The following ADCY4 variants were observed in gnomAD, a reference collection of about 807,000 sequenced individuals.
The protein encoded by ADCY4 is adenylate cyclase type 4.
In ADCY4, 111 loss-of-function variants were observed where a neutral mutation model predicts 125.5. The observed-to-expected ratio is 0.88, with a 90% confidence interval of 0.76 to 1.04. The LOEUF is 1.04. Ranked by LOEUF, ADCY4 falls within the 50% of genes least tolerant of loss-of-function variation. The pLI is 0.00. For missense variants in ADCY4, 1,256 were observed against 1,382.9 expected, an observed-to-expected ratio of 0.91 and a Z score of 1.46; for synonymous variants, 576 against 586.9, an observed-to-expected ratio of 0.98 and a Z score of 0.27.
At chr14:24,326,399 T>C in intron 10 of ADCY4, 57 bp from the exon 11 acceptor site, 1 of 1,595,512 alleles carries the variant, frequency 6.3e-7, no homozygotes. Flanking sequence ...TGCAGTGAGG[T>C]AGACCATGAG....
At chr14:24,324,642 G>A (rs1016759848) in intron 14 of ADCY4, among the ~76,000 whole-genome samples, 1 of 152,202 alleles carries the variant, frequency 6.6e-6, no homozygotes, top group African/African-American at 2.4e-5. Context: ...AAGAATGGCT[G>A]AGGCTACGGC....
At position 24,331,045 on chromosome 14, in the gene ADCY4, G is replaced by C. The variant is rs1160003755; in HGVS notation, c.903C>G (p.Leu301=). The C allele has an allele frequency of 6.2e-7, 1 of 1,611,506 alleles. No homozygotes were observed. The highest frequency in any genetic ancestry group is 1.3e-5 in the African/African-American group (1 of 74,868). The part of the protein sequence containing the change: ...PKELVLMLNE[L]FGKFDQIAKE... ...TGGCAATCTGGTCGAACTTGCCAAAGAGCTCATTGAGCATGAGCACCAGCT... is the reference window on the plus strand; with the variant it reads ...TGGCAATCTGGTCGAACTTGCCAAACAGCTCATTGAGCATGAGCACCAGCT... Residue 301 remains leucine, a synonymous_variant, in exon 6 of 25, where the codon CTC becomes CTG. Coordinates refer to ENST00000418030, the MANE Select transcript of ADCY4 (RefSeq NM_001198568.2).
At position 24,330,167 on chromosome 14, in the gene ADCY4, C is replaced by T. The variant is rs200664350; in HGVS notation, c.1058+1G>A. 3.9e-5 allele frequency: 63 copies of T among 1,613,600 alleles called. No individual in the cohort carries two copies. The highest frequency in any genetic ancestry group is 5.1e-5 in the Non-Finnish European group (60 of 1,179,638). On this transcript the variant is annotated splice_donor_variant, in intron 7 of 24. Transcript: ENST00000418030. LOFTEE classifies it high-confidence loss of function. ...TCCTCTTGACCACCGCCTGAGCTGA[C>T]CTGATGGCCCGGCACATGTCCAGGC...
chr14:24,321,257 A>ATAT (rs56133120), intron 20 of ADCY4, among the ~76,000 whole-genome samples: 1 of 150,730 alleles, frequency 6.6e-6, no homozygotes, highest in Non-Finnish European at 1.5e-5. Flanking sequence ...CTAAAAAAAA[A>ATAT]AAATATAAAA....
chr14:24,319,674 G>A lies in ADCY4; in HGVS notation c.2733+68C>T, dbSNP rs2041822899. 6.3e-7 allele frequency: 1 copy of A among 1,598,608 alleles called. No individual in the cohort carries two copies. Among genetic ancestry groups the A allele is most frequent in the Admixed American group, 1.7e-5 (1 of 59,586 alleles). On this transcript the variant is annotated intron_variant, in intron 21 of 24. Coordinates refer to ENST00000418030, the MANE Select transcript of ADCY4 (RefSeq NM_001198568.2). The surrounding 1 kb of genome is among the most constrained non-coding windows in gnomAD (Gnocchi z 4.5). The stretch of plus-strand genomic sequence containing the variant: ...ACTTCATGGCCAGAAAAGCAAAGTG[G>A]AAGGAGGTACTGGTGGAAAATTCTA...
rs768363042 is a variant in ADCY4, at chr14:24,329,459, T to A, written c.1292A>T (p.His431Leu). Reference protein sequence around the residue: ...AYAVEDAGMEHRDPYLRELGE... With the variant: ...AYAVEDAGMELRDPYLRELGE... ...TAGCTCCCGAAGGTAGGGGTCCCGA[T>A]GCTCCATGCCTGCGTCCTCCACAGC... is the stretch of plus-strand genomic sequence containing the variant. The change falls in exon 9 of 25, where the codon CAT becomes CTT. Residue 431 changes from histidine to leucine, a missense_variant. Coordinates refer to ENST00000418030, the MANE Select transcript of ADCY4 (RefSeq NM_001198568.2). 12 of 1,582,480 alleles carry A rather than the reference T, an allele frequency of 7.6e-6. No homozygotes were observed. In the South Asian group the frequency reaches 1.3e-4, roughly 17 times the overall value.
At chr14:24,330,458 A>G (rs2042024123) in intron 6 of ADCY4, 163 bp from the exon 7 acceptor site, 1 of 916,602 alleles carries the variant, frequency 1.1e-6, no homozygotes, top group Non-Finnish European at 1.6e-6. Context: ...ATATGGGGCT[A>G]ACTGTCTTTC....
intron 13 of ADCY4, 21 bp downstream of exon 13, chr14:24,325,797 G>T: frequency 6.3e-7 from 1 of 1,583,606 alleles, no homozygotes; most frequent in Non-Finnish European, 8.6e-7. Context: ...GTTGTTTGGT[G>T]CCACCCACAC....
chr14:24,334,550 CCAGCAG>C lies in ADCY4; in HGVS notation c.97_102del (p.Leu33_Leu34del). On this transcript the variant is annotated inframe_deletion, in exon 1 of 25. Coordinates refer to ENST00000418030, the MANE Select transcript of ADCY4 (RefSeq NM_001198568.2). Reference sequence around the variant, plus strand: ...GCCGCGAGCGCACAGAGCACGATCCCCAGCAGCAGCAGCAGCAGCGGGTACTGCTGG... The same window carrying C: ...GCCGCGAGCGCACAGAGCACGATCCCCAGCAGCAGCAGCGGGTACTGCTGG... The C allele has an allele frequency of 6.3e-7, 1 of 1,582,796 alleles. No homozygotes were observed.
rs374892874 is a variant in ADCY4 at position 24,319,226 on chromosome 14, C to T, written c.2842-14G>A. The stretch of plus-strand genomic sequence containing the variant: ...CCGTTCAGCATCCTGGCAATGGGCC[C>T]GCCCACCAGGGTGGGCCAGTGAGGG... On this transcript the variant is annotated splice_polypyrimidine_tract_variant and intron_variant, in intron 22 of 24. Transcript: ENST00000418030. This position sits in a 1 kb window ranked among gnomAD's most constrained non-coding sequence, Gnocchi z 4.5. 113 of 1,613,850 alleles carry T rather than the reference C, an allele frequency of 7.0e-5. 1 individual carries two copies. The highest frequency in any genetic ancestry group is 4.2e-4 in the East Asian group (19 of 44,892).
chr14:24,332,633 C>A lies in ADCY4; in HGVS notation c.408G>T (p.Leu136Phe), dbSNP rs944950615. ...VIFTAYAMLP[L>F]GMRDAAVAGL... ...CCGCGACGGCGGCGTCCCGCATGCC[C>A]AAGGGCAGCATGGCATACGCCGTGA... is the stretch of plus-strand genomic sequence containing the variant. The change falls in exon 3 of 25, where the codon TTG (leucine) becomes TTT (phenylalanine). Residue 136 changes from leucine to phenylalanine, a missense_variant. Physicochemically the swap from Leu to Phe is conservative, Grantham distance 22 (BLOSUM62 0). Transcript: ENST00000418030. The A allele has an allele frequency of 2.5e-6, 4 of 1,585,296 alleles. No individual in the cohort carries two copies. In the African/African-American group the frequency reaches 4.0e-5, roughly 16 times the overall value.
intron 16 of ADCY4, 35 bp downstream of exon 16, chr14:24,324,027 C>T: frequency 6.2e-7 from 1 of 1,607,790 alleles, no homozygotes; most frequent in Admixed American, 1.7e-5. Flanking sequence ...CCAACATGCC[C>T]TCATGGGGGT....
chr14:24,324,949 C>T (rs1453876016), intron 14 of ADCY4, among the ~76,000 whole-genome samples: 1 of 152,166 alleles, frequency 6.6e-6, no homozygotes, highest in Non-Finnish European at 1.5e-5. Flanking sequence ...GGTGATCCAC[C>T]TGCCTCAGCC....
In ADCY4 at chr14:24,319,628, G is replaced by C; in HGVS notation, c.2733+114C>G. On this transcript the variant is annotated intron_variant, in intron 21 of 24. Coordinates refer to ENST00000418030, the MANE Select transcript of ADCY4 (RefSeq NM_001198568.2). The surrounding 1 kb of genome is among the most constrained non-coding windows in gnomAD (Gnocchi z 4.5). ...CTGGGGGATCAGAGGAGGTGAGGGA[G>C]TACTGTGGAGGGGAGGATTGACTTC... is the stretch of plus-strand genomic sequence containing the variant. 1 of 1,382,522 alleles carries C rather than the reference G, an allele frequency of 7.2e-7. No homozygotes were observed. The highest frequency in any genetic ancestry group is 1.0e-6 in the Non-Finnish European group (1 of 986,926). 85.6% of individuals were successfully genotyped at this position (1,382,522 alleles called of 1,614,324 possible).
At position 24,319,720 on chromosome 14, in the gene ADCY4, G is replaced by A. The variant is rs745832082; in HGVS notation, c.2733+22C>T. 3 of 1,613,908 alleles carry A rather than the reference G, an allele frequency of 1.9e-6. No individual in the cohort carries two copies. The highest frequency in any genetic ancestry group is 2.5e-6 in the Non-Finnish European group (3 of 1,179,956). ...TTCTAGAATCTAGGACATAGGGTCTGGGAGACTCTTGGAATTTTCACCTCA... is the reference window on the plus strand; with the variant it reads ...TTCTAGAATCTAGGACATAGGGTCTAGGAGACTCTTGGAATTTTCACCTCA... On this transcript the variant is annotated intron_variant, in intron 21 of 24. Transcript: ENST00000418030. This position sits in a 1 kb window ranked among gnomAD's most constrained non-coding sequence, Gnocchi z 4.5.
intron 7 of ADCY4, 74 bp from the exon 8 acceptor site, chr14:24,330,092 A>G (rs2042017695): frequency 6.3e-7 from 1 of 1,597,722 alleles, no homozygotes; most frequent in South Asian, 1.1e-5. Context: ...GATTCTCACA[A>G]AGAGGACTTC....
In ADCY4 at chr14:24,332,577, A is replaced by G. The variant is rs542980474; in HGVS notation, c.464T>C (p.Val155Ala). Reference sequence around the variant, plus strand: ...CTGTGGCCCAAGATACAGCCCGAGGACCAGCAGATGCGAGAGTGAGGAGGC... The same window carrying G: ...CTGTGGCCCAAGATACAGCCCGAGGGCCAGCAGATGCGAGAGTGAGGAGGC... ...GLASSLSHLL[V>A]LGLYLGPQPD... is the part of the protein sequence containing the mutation. The change falls in exon 3 of 25, where the codon GTC becomes GCC. Residue 155 changes from valine to alanine, a missense_variant. Coordinates refer to ENST00000418030, the MANE Select transcript of ADCY4 (RefSeq NM_001198568.2). 3 of 1,577,780 alleles carry G rather than the reference A, an allele frequency of 1.9e-6. No individual in the cohort carries two copies. In the African/African-American group the frequency reaches 4.0e-5, roughly 21 times the overall value.
chr14:24,333,343 C>T (rs528831482), intron 1 of ADCY4, among the ~76,000 whole-genome samples: 2 of 152,234 alleles, frequency 1.3e-5, no homozygotes, highest in East Asian at 3.9e-4. Context: ...GCCTCAGCCT[C>T]CCGAGTAGCT....
rs2042013332 is a variant in ADCY4 at position 24,329,859 on chromosome 14, C to T, written c.1217+1G>A. On this transcript the variant is annotated splice_donor_variant, in intron 8 of 24. Coordinates refer to ENST00000418030, the MANE Select transcript of ADCY4 (RefSeq NM_001198568.2). LOFTEE classifies it high-confidence loss of function. Reference sequence around the variant, plus strand: ...TAGCTGCCTAGGGCCCTAGGTCTCACCCTGGTACACCGCCTGCCTCCATGT... The same window carrying T: ...TAGCTGCCTAGGGCCCTAGGTCTCATCCTGGTACACCGCCTGCCTCCATGT... 1 of 1,612,716 alleles carries T rather than the reference C, an allele frequency of 6.2e-7. No homozygotes were observed. The highest frequency in any genetic ancestry group is 1.3e-5 in the African/African-American group (1 of 74,914).
Sources: allele counts gnomAD v4.1 joint callset (sites outside exome capture counted in the v4.1 genomes callset), GRCh38; gene constraint gnomAD v4.1.1; non-coding constraint Gnocchi (gnomAD v3.1); transcripts MANE v1.5; gene names NCBI Gene and HGNC (gene_info 2026-07-23, HGNC 2026-07-21).